FYCO1: variants seen among roughly 807,000 people sequenced by gnomAD.
FYCO1 encodes FYVE and coiled-coil domain-containing protein 1.
In FYCO1, 122 loss-of-function variants were observed where a neutral mutation model predicts 165.1. The observed-to-expected ratio is 0.74, with a 90% CI of 0.64 to 0.86. FYCO1 has a LOEUF of 0.86. Among genes scored for constraint, FYCO1 ranks in the 40% least tolerant of loss-of-function variants. The pLI is 0.00. For missense variants in FYCO1, 1,702 were observed against 1,810.3 expected (o/e 0.94, Z 1.09); for synonymous variants, 648 against 742.5 (o/e 0.87, Z 2.07).
intron 1 of FYCO1, among the ~76,000 whole-genome samples, chr3:45,994,895 A>ATT (rs71619620): frequency 1.5e-4 from 23 of 151,418 alleles, no homozygotes; most frequent in East Asian, 3.9e-4. Context: ...CAAGTGTTCT[A>ATT]TTTTTTTTTC....
In FYCO1 at chr3:45,931,236, C is replaced by A. The variant is rs137986696; in HGVS notation, c.4086G>T (p.Glu1362Asp). The A allele has an allele frequency of 1.2e-6, 2 of 1,613,970 alleles. No individual in the cohort carries two copies. Among genetic ancestry groups the A allele is most frequent in the Non-Finnish European group, 1.7e-6 (2 of 1,179,960 alleles). ...ACCTCACAAACAGCTCCCTGCTACCCTCCCCGAAGCTGGCGATCTCATCCA... is the reference window on the plus strand; with the variant it reads ...ACCTCACAAACAGCTCCCTGCTACCATCCCCGAAGCTGGCGATCTCATCCA... The part of the protein sequence containing the change: ...LTVDEIASFG[E>D]GSRELFVRSS... The change falls in exon 16 of 18, where the codon GAG (glutamate) becomes GAT (aspartate). Residue 1362 changes from glutamate to aspartate, a missense_variant. Glu to Asp is a conservative substitution (Grantham distance 45). Coordinates refer to ENST00000296137, the MANE Select transcript of FYCO1 (RefSeq NM_024513.4).
Position 45,964,534 on chromosome 3 carries a change from C to T in FYCO1, c.3151-80G>A. 1.3e-6 allele frequency: 2 copies of T among 1,596,148 alleles called. No individual in the cohort carries two copies. The highest frequency in any genetic ancestry group is 1.1e-5 in the South Asian group (1 of 88,834). On this transcript the variant is annotated intron_variant, in intron 9 of 17. Coordinates refer to ENST00000296137, the MANE Select transcript of FYCO1 (RefSeq NM_024513.4). This position sits in a 1 kb window ranked among gnomAD's most constrained non-coding sequence, Gnocchi z 4.1. ...ACCATAAAGTGGCTGGTGTGCCATC[C>T]ACCCCATCTGGCTGGGTCACTTCTA...
rs886058560 is a variant in FYCO1 at position 45,920,530 on chromosome 3, G to T, written c.*1235C>A. 6.6e-6 allele frequency: 1 copy of T among 152,236 alleles called. No individual in the cohort carries two copies. The highest frequency in any genetic ancestry group is 1.9e-4 in the East Asian group (1 of 5,208). The allele number at this position is 152,236 out of a possible 1,614,324, so 9.4% of individuals were successfully genotyped here. The stretch of plus-strand genomic sequence containing the variant: ...AGCTGTCCAAGGTGAGCTATCTGTT[G>T]TTGGGGAAGAAAAGGACCACAGAGA... On this transcript the variant is annotated 3_prime_UTR_variant, in exon 18 of 18. Coordinates refer to ENST00000296137, the MANE Select transcript of FYCO1 (RefSeq NM_024513.4).
In FYCO1 at chr3:45,973,151, TCA is replaced by T. The variant is rs1403419412; in HGVS notation, c.474_475del (p.Glu159GlyfsTer4). On this transcript the variant is annotated frameshift_variant, in exon 6 of 18. Coordinates refer to ENST00000296137, the MANE Select transcript of FYCO1 (RefSeq NM_024513.4). LOFTEE classifies it high-confidence loss of function. ...CCTCGACGCCAGGTCAAACTGAACC[TCA>T]GTCAGCTCATAGAGTTGGCCCACAA... The T allele has an allele frequency of 6.2e-7, 1 of 1,614,116 alleles. No individual in the cohort carries two copies. Among genetic ancestry groups the T allele is most frequent in the African/African-American group, 1.3e-5 (1 of 74,938 alleles).
chr3:45,984,723 G>A, intron 2 of FYCO1, 133 bp downstream of exon 2: 1 of 888,162 alleles, frequency 1.1e-6, no homozygotes. Flanking sequence ...ATTTCAATAT[G>A]ATGTGACCTG....
rs1371687015 is a variant in FYCO1 at position 45,931,098 on chromosome 3, G to A, written c.4224C>T (p.Ala1408=). The A allele has an allele frequency of 5.0e-6, 8 of 1,613,632 alleles. No homozygotes were observed. Among genetic ancestry groups the A allele is most frequent in the South Asian group, 1.1e-5 (1 of 91,058 alleles). The change falls in exon 16 of 18, where the codon GCC becomes GCT. Residue 1408 remains alanine (A), a synonymous_variant. Transcript: ENST00000296137. ...TACACTGATCCAGCGGTGTGTCCTCGGCCTCCTGGAAGACCACACTGAAGG... is the reference window on the plus strand; with the variant it reads ...TACACTGATCCAGCGGTGTGTCCTCAGCCTCCTGGAAGACCACACTGAAGG... ...SISFSVVFQE[A]EDTPLDQCKV... is the part of the protein sequence containing the mutation.
chr3:45,994,199 C>T (rs928792662), intron 1 of FYCO1, among the ~76,000 whole-genome samples: 38 of 146,710 alleles, frequency 2.6e-4, no homozygotes, highest in African/African-American at 9.2e-4. Context: ...GAGACTGTTA[C>T]CAATCTCTAA....
intron 14 of FYCO1, among the ~76,000 whole-genome samples, chr3:45,938,603 C>T (rs1704029901): frequency 6.6e-6 from 1 of 152,194 alleles, no homozygotes; most frequent in African/African-American, 2.4e-5. Context: ...AAGCGATTTT[C>T]CTGCCTCAGC....
rs1200281105 is a variant in FYCO1 at position 45,919,904 on chromosome 3, G to A, written c.*1861C>T. On this transcript the variant is annotated 3_prime_UTR_variant, in exon 18 of 18. Transcript: ENST00000296137. ...GGCCAAGAAGAGTCGCTGGGGGCCT[G>A]GCCACCTCTATTCCAGTACTAAGCA... 3.3e-5 allele frequency: 5 copies of A among 152,354 alleles called. No individual in the cohort carries two copies. Among genetic ancestry groups the A allele is most frequent in the Admixed American group, 1.3e-4 (2 of 15,298 alleles). The allele number at this position is 152,354 out of a possible 1,614,324, so 9.4% of individuals were successfully genotyped here.
At chr3:45,933,146 A>C (rs1405736529) in intron 15 of FYCO1, among the ~76,000 whole-genome samples, 1 of 152,184 alleles carries the variant, frequency 6.6e-6, no homozygotes, top group Admixed American at 6.5e-5. Context: ...GGTTTGCTCA[A>C]ATATAATATA....
chr3:45,973,482 A>C (rs901363891), intron 5 of FYCO1, among the ~76,000 whole-genome samples: 1 of 152,204 alleles, frequency 6.6e-6, no homozygotes, highest in African/African-American at 2.4e-5. Flanking sequence ...ACTTCTCAAA[A>C]AGGATATGGG....
chr3:45,962,118 G>T lies in FYCO1; in HGVS notation c.3437+107C>A. ...AGAGGGGCTCCTGAGACAGCAGCAA[G>T]AAAGTGGGGAAATTTCTGAAGTATG... On this transcript the variant is annotated intron_variant, in intron 11 of 17. Coordinates refer to ENST00000296137, the MANE Select transcript of FYCO1 (RefSeq NM_024513.4). The surrounding 1 kb of genome is among the most constrained non-coding windows in gnomAD (Gnocchi z 4.4). The T allele has an allele frequency of 7.9e-7, 1 of 1,267,180 alleles. No homozygotes were observed. The highest frequency in any genetic ancestry group is 1.1e-6 in the Non-Finnish European group (1 of 869,646). The allele number at this position is 1,267,180 out of a possible 1,614,324, so 78.5% of individuals were successfully genotyped here. A position where few individuals can be genotyped will look rare whatever the true frequency, so the allele number is the denominator to read the frequency against.
At chr3:45,977,877 A>T (rs1706851557) in intron 4 of FYCO1, among the ~76,000 whole-genome samples, 2 of 152,216 alleles carry the variant, frequency 1.3e-5, no homozygotes, top group African/African-American at 4.8e-5. Flanking sequence ...CTACTTGATT[A>T]TTAAAATTAA....
intron 16 of FYCO1, among the ~76,000 whole-genome samples, chr3:45,925,352 A>C (rs1703276732): frequency 6.6e-6 from 1 of 152,200 alleles, no homozygotes; most frequent in Non-Finnish European, 1.5e-5. Flanking sequence ...GAAGGTCTAC[A>C]GACAACGGAA....
At chr3:45,946,482 A>G in intron 14 of FYCO1, 1 of 1,611,720 alleles carries the variant, frequency 6.2e-7, no homozygotes, top group East Asian at 2.2e-5. Flanking sequence ...AACAGACACC[A>G]TGGCAGAGCA....
rs754022739 is a variant in FYCO1, at chr3:45,967,281, T to C, written c.2053A>G (p.Arg685Gly). Residue 685 changes from arginine to glycine, a missense_variant, in exon 8 of 18, where the codon AGG becomes GGG. Coordinates refer to ENST00000296137, the MANE Select transcript of FYCO1 (RefSeq NM_024513.4). ...GCTTTCATGGCCTCCTTGGCCTTCC[T>C]TACAGCCAGCAAGCTCGCCTCCATC... ...DQMEASLLAV[R>G]KAKEAMKAQM... The C allele has an allele frequency of 1.2e-6, 2 of 1,614,004 alleles. No homozygotes were observed. Among genetic ancestry groups the C allele is most frequent in the South Asian group, 2.2e-5 (2 of 91,082 alleles).
chr3:45,959,271 T>C, intron 12 of FYCO1, 122 bp downstream of exon 12: 1 of 1,097,496 alleles, frequency 9.1e-7, no homozygotes, highest in Non-Finnish European at 1.4e-6. Flanking sequence ...AAACGCAATG[T>C]GCTCTTCCTA....
chr3:45,940,327 T>A (rs1011786190), intron 14 of FYCO1, among the ~76,000 whole-genome samples: 3 of 152,136 alleles, frequency 2.0e-5, no homozygotes, highest in Non-Finnish European at 4.4e-5. Flanking sequence ...CTGAAGCTGG[T>A]AATCAGCAGC....
chr3:45,981,752 G>A, intron 2 of FYCO1, 76 bp from the exon 3 acceptor site: 1 of 1,019,760 alleles, frequency 9.8e-7, no homozygotes, highest in African/African-American at 1.6e-5. Context: ...AATCCAGGAA[G>A]CATGAGGAGC....
Sources: allele counts gnomAD v4.1 joint callset (sites outside exome capture counted in the v4.1 genomes callset), GRCh38; gene constraint gnomAD v4.1.1; non-coding constraint Gnocchi (gnomAD v3.1); transcripts MANE v1.5; gene names NCBI Gene and HGNC (gene_info 2026-07-23, HGNC 2026-07-21).